Variants in PINX1 observed in about 807,000 individuals in gnomAD.
The protein encoded by PINX1 is PIN2/TERF1-interacting telomerase inhibitor 1.
In PINX1, 34 loss-of-function variants were observed where a neutral mutation model predicts 25.4. The ratio of observed to expected loss-of-function variants is 1.34; its 90% CI spans 1.02 to 1.78. The LOEUF is 1.78. Ranked by LOEUF, PINX1 falls within the 40% of genes most tolerant of loss-of-function variation. The pLI is 0.00. For missense variants in PINX1, 592 were observed against 404.9 expected (o/e 1.46, Z -3.97); for synonymous variants, 197 against 147.7 (o/e 1.33, Z -2.42).
chr8:10,783,935 G>A (rs1020272599), intron 6 of PINX1, among the ~76,000 whole-genome samples: 5 of 152,166 alleles, frequency 3.3e-5, no homozygotes, highest in African/African-American at 9.7e-5. Context: ...TGAATCACTT[G>A]TAACTTCAAC....
chr8:10,816,565 C>G (rs1285226704), intron 6 of PINX1, among the ~76,000 whole-genome samples: 2 of 152,182 alleles, frequency 1.3e-5, no homozygotes, highest in Admixed American at 1.3e-4. Flanking sequence ...CTTGTCAACC[C>G]CTAACAGCTC....
chr8:10,826,970 C>T (rs971800769), intron 4 of PINX1, among the ~76,000 whole-genome samples: 8 of 152,132 alleles, frequency 5.3e-5, no homozygotes, highest in African/African-American at 1.4e-4. Flanking sequence ...CAGAACCATC[C>T]GCCCATGTAC....
chr8:10,788,364 C>G (rs1041262049), intron 6 of PINX1, among the ~76,000 whole-genome samples: 2 of 152,034 alleles, frequency 1.3e-5, no homozygotes, highest in African/African-American at 4.8e-5. Context: ...GAGTTGGAGA[C>G]CAGCAGTTGA....
chr8:10,796,290 T>C lies in PINX1; in HGVS notation c.471+23903A>G, dbSNP rs573084575. The stretch of plus-strand genomic sequence containing the variant: ...CATCTGAAGTCAAAGACTCCAGGCA[T>C]GCGAAAGGCACAGGATCCCCGGGGG... On this transcript the variant is annotated intron_variant, in intron 6 of 6. Coordinates refer to ENST00000314787, the MANE Select transcript of PINX1 (RefSeq NM_017884.6). Among the ~76,000 whole-genome samples the C allele has an allele frequency of 2.0e-5, 3 of 152,236 alleles. No individual in the cohort carries two copies. In the South Asian group the frequency reaches 6.2e-4, roughly 32 times the overall value.
intron 4 of PINX1, among the ~76,000 whole-genome samples, chr8:10,827,868 G>T (rs1047017313): frequency 1.5e-5 from 2 of 137,762 alleles, no homozygotes; most frequent in African/African-American, 2.7e-5. Flanking sequence ...CCGAAATCAC[G>T]CCACTGCACT....
chr8:10,777,243 C>G (rs1198050997), intron 6 of PINX1, among the ~76,000 whole-genome samples: 4 of 152,178 alleles, frequency 2.6e-5, no homozygotes, highest in Non-Finnish European at 5.9e-5. Flanking sequence ...GTTTGCTGAT[C>G]TACAAGACGA....
chr8:10,795,378 G>A (rs1749778947), intron 6 of PINX1, among the ~76,000 whole-genome samples: 2 of 152,108 alleles, frequency 1.3e-5, no homozygotes, highest in African/African-American at 2.4e-5. Flanking sequence ...AACAATCAAC[G>A]TCACCTTAAG....
chr8:10,810,865 C>T (rs1408615044), intron 6 of PINX1, among the ~76,000 whole-genome samples: 1 of 152,244 alleles, frequency 6.6e-6, no homozygotes, highest in East Asian at 1.9e-4. Flanking sequence ...ACAGGAGTCA[C>T]TTCACTAGAG....
intron 6 of PINX1, among the ~76,000 whole-genome samples, chr8:10,816,322 T>C (rs949078316): frequency 1.3e-5 from 2 of 152,214 alleles, no homozygotes; most frequent in Non-Finnish European, 2.9e-5. Context: ...CTTTGCAACA[T>C]CCTGTTCATC....
At chr8:10,783,324 C>T (rs1801651240) in intron 6 of PINX1, among the ~76,000 whole-genome samples, 1 of 152,132 alleles carries the variant, frequency 6.6e-6, no homozygotes, top group African/African-American at 2.4e-5. Context: ...ATAGTGATTT[C>T]TGGGATGGAT....
intron 5 of PINX1, among the ~76,000 whole-genome samples, chr8:10,823,045 G>A (rs1431180931): frequency 6.6e-6 from 1 of 152,204 alleles, no homozygotes; most frequent in Non-Finnish European, 1.5e-5. Flanking sequence ...CCATAAACCA[G>A]GAAAGTGGAA....
intron 6 of PINX1, chr8:10,787,616 C>T (rs1801793361): frequency 1.6e-5 from 5 of 321,700 alleles, no homozygotes; most frequent in Non-Finnish European, 3.0e-5. Context: ...ATGGCAAGAA[C>T]CATTTACCTT....
chr8:10,806,603 A>G (rs190572021), intron 6 of PINX1, among the ~76,000 whole-genome samples: 24 of 152,294 alleles, frequency 1.6e-4, no homozygotes, highest in East Asian at 1.2e-3. Flanking sequence ...CTTTCCTTCA[A>G]TAACGATTTG....
At chr8:10,786,311 G>C (rs1801745422) in intron 6 of PINX1, among the ~76,000 whole-genome samples, 1 of 152,294 alleles carries the variant, frequency 6.6e-6, no homozygotes, top group East Asian at 1.9e-4. Flanking sequence ...AAAGTGAAGA[G>C]GCCTTCCTAT....
intron 6 of PINX1, among the ~76,000 whole-genome samples, chr8:10,773,854 T>C (rs1251914973): frequency 6.6e-6 from 1 of 152,178 alleles, no homozygotes; most frequent in East Asian, 1.9e-4. Context: ...CCTGCCTCCC[T>C]GAAAGGCCCT....
At chr8:10,822,790 T>C (rs1458179852) in intron 5 of PINX1, among the ~76,000 whole-genome samples, 1 of 152,006 alleles carries the variant, frequency 6.6e-6, no homozygotes, top group East Asian at 1.9e-4. Flanking sequence ...AAACCAACTC[T>C]ATGGAAAAGC....
chr8:10,811,568 G>T (rs1431830878), intron 6 of PINX1, among the ~76,000 whole-genome samples: 1 of 152,166 alleles, frequency 6.6e-6, no homozygotes, highest in Non-Finnish European at 1.5e-5. Flanking sequence ...TTCGAGGAAG[G>T]GCTGGGCTGG....
At chr8:10,818,216 A>G (rs1466128153) in intron 6 of PINX1, among the ~76,000 whole-genome samples, 1 of 152,116 alleles carries the variant, frequency 6.6e-6, no homozygotes, top group Non-Finnish European at 1.5e-5. Context: ...CACACAAAAC[A>G]CGATGTTGCA....
intron 6 of PINX1, among the ~76,000 whole-genome samples, chr8:10,767,036 A>G (rs1238859018): frequency 6.6e-6 from 1 of 152,202 alleles, no homozygotes; most frequent in African/African-American, 2.4e-5. Flanking sequence ...CAATCATGCT[A>G]AACTTAGGTT....
Sources: allele counts gnomAD v4.1 joint callset (sites outside exome capture counted in the v4.1 genomes callset), GRCh38; gene constraint gnomAD v4.1.1; transcripts MANE v1.5; gene names NCBI Gene and HGNC (gene_info 2026-07-23, HGNC 2026-07-21).